DST: variants seen among roughly 807,000 people sequenced by gnomAD.
The protein encoded by DST is bullous pemphigoid antigen.
Under a neutral mutation model 875.2 loss-of-function variants are expected in DST, and 253 were observed. The observed-to-expected ratio is 0.29, with a 90% CI of 0.26 to 0.32. The LOEUF (loss-of-function observed/expected upper bound fraction) is 0.32. Ranked by LOEUF, DST falls within the 10% of genes least tolerant of loss-of-function variation. DST has a pLI of 1.00. For missense variants in DST, 8,287 were observed against 9,111.6 expected (o/e 0.91, Z 3.68); for synonymous variants, 3,124 against 3,197.1 (o/e 0.98, Z 0.77).
intron 4 of DST, among the ~76,000 whole-genome samples, chr6:56,841,489 T>C (rs900067781): frequency 4.6e-5 from 7 of 152,236 alleles, no homozygotes; most frequent in Non-Finnish European, 7.3e-5. Flanking sequence ...TTTCCTTTTA[T>C]TTCCAAAGGC....
rs200720176 is a variant in DST at position 56,535,298 on chromosome 6, A to G, written c.16771-6T>C. ...TGGGCTGCTCGCTGAGCCACCTGCA[A>G]AGTGCCAATTGTTTCCACTTATTTA... On this transcript the variant is annotated splice_polypyrimidine_tract_variant and splice_region_variant and intron_variant, in intron 62 of 103. Transcript: ENST00000680361. The G allele has an allele frequency of 6.4e-7, 1 of 1,566,622 alleles. No individual in the cohort carries two copies. The highest frequency in any genetic ancestry group is 8.6e-7 in the Non-Finnish European group (1 of 1,165,762).
intron 5 of DST, among the ~76,000 whole-genome samples, chr6:56,732,387 CAG>C (rs2099503648): frequency 1.3e-5 from 2 of 152,044 alleles, no homozygotes; most frequent in Non-Finnish European, 2.9e-5. Flanking sequence ...GCTTCTGTGC[CAG>C]AGTTTTCAGG....
Position 56,831,751 on chromosome 6 carries a change from G to A in DST, c.625+19646C>T, listed in dbSNP as rs192221309. ...AAACTGGTGAAGATCTGCTTCTCCCGGTTCTAAATCCTTCATCTCTTCCCA... is the reference window on the plus strand; with the variant it reads ...AAACTGGTGAAGATCTGCTTCTCCCAGTTCTAAATCCTTCATCTCTTCCCA... On this transcript the variant is annotated intron_variant, in intron 4 of 103. Coordinates refer to ENST00000680361, the MANE Select transcript of DST (RefSeq NM_001374736.1). Among the ~76,000 whole-genome samples, 17 of 151,858 alleles carry A rather than the reference G, an allele frequency of 1.1e-4. No individual in the cohort carries two copies. In the East Asian group the frequency reaches 1.9e-3, roughly 17 times the overall value.
intron 9 of DST, among the ~76,000 whole-genome samples, chr6:56,694,216 T>A (rs972090282): frequency 2.2e-5 from 3 of 138,482 alleles, no homozygotes; most frequent in South Asian, 2.3e-4. Context: ...ATAGATATGG[T>A]AAAAAAAAAA....
chr6:56,655,777 A>G (rs953684405), intron 10 of DST, among the ~76,000 whole-genome samples: 1 of 152,200 alleles, frequency 6.6e-6, no homozygotes, highest in African/African-American at 2.4e-5. Flanking sequence ...GAATTCTTTC[A>G]GCAGACTCGG....
intron 2 of DST, among the ~76,000 whole-genome samples, chr6:56,933,762 T>C (rs1214393803): frequency 6.6e-6 from 1 of 152,052 alleles, no homozygotes; most frequent in Non-Finnish European, 1.5e-5. Flanking sequence ...ATTAGAGGTA[T>C]GTGGGAGCTG....
At chr6:56,773,466 T>A (rs1269417260) in intron 4 of DST, among the ~76,000 whole-genome samples, 2 of 152,048 alleles carry the variant, frequency 1.3e-5, no homozygotes, top group Non-Finnish European at 1.5e-5. Flanking sequence ...ACACTATATC[T>A]CTAAGTCAAG....
intron 62 of DST, among the ~76,000 whole-genome samples, chr6:56,535,520 A>G (rs957737476): frequency 1.3e-5 from 2 of 152,248 alleles, no homozygotes; most frequent in African/African-American, 4.8e-5. Context: ...GTCAACATAG[A>G]GCACTCAATC....
intron 80 of DST, among the ~76,000 whole-genome samples, chr6:56,499,554 AC>A (rs2096050069): frequency 6.6e-6 from 1 of 152,142 alleles, no homozygotes; most frequent in African/African-American, 2.4e-5. Flanking sequence ...CAGGAAAGGA[AC>A]GGAAACATTC....
At chr6:56,669,964 G>A (rs1055020014) in intron 10 of DST, among the ~76,000 whole-genome samples, 3 of 152,168 alleles carry the variant, frequency 2.0e-5, no homozygotes, top group African/African-American at 7.2e-5. Flanking sequence ...CCACTCACTA[G>A]AGTAATTAGA....
At chr6:56,869,242 T>C (rs1394499460) in intron 3 of DST, among the ~76,000 whole-genome samples, 1 of 152,170 alleles carries the variant, frequency 6.6e-6, no homozygotes, top group Non-Finnish European at 1.5e-5. Flanking sequence ...ACCTTCCTGC[T>C]GTACAGTAGC....
chr6:56,751,458 A>ATT (rs139880002), intron 4 of DST, among the ~76,000 whole-genome samples: 24 of 151,964 alleles, frequency 1.6e-4, no homozygotes, highest in Non-Finnish European at 3.1e-4. Flanking sequence ...TTTAACAATT[A>ATT]TTTTTTTACA....
Position 56,501,109 on chromosome 6 carries a change from C to T in DST, c.19867G>A (p.Ala6623Thr), listed in dbSNP as rs747525596. 2 of 1,612,734 alleles carry T rather than the reference C, an allele frequency of 1.2e-6. No homozygotes were observed. Among genetic ancestry groups the T allele is most frequent in the East Asian group, 4.5e-5 (2 of 44,838 alleles). Residue 6623 changes from alanine (A) to threonine (T), a missense_variant, in exon 80 of 104, where the codon GCC becomes ACC. Physicochemically the swap from Ala to Thr is moderately conservative, Grantham distance 58. Around this residue, in one of 10 missense-constraint regions of DST, gnomAD observed 1,292 missense variants for 1,552.7 expected, o/e 0.83. Transcript: ENST00000680361. The stretch of plus-strand genomic sequence containing the variant: ...TGCTTGGCAAGTTCAATTTCAATGG[C>T]TTTAGGGTCTCCTCCAACAGGTTTC... ...EQKPVGGDPK[A>T]IEIELAKHHV...
intron 15 of DST, among the ~76,000 whole-genome samples, chr6:56,644,582 C>T (rs2098931409): frequency 6.6e-6 from 1 of 152,046 alleles, no homozygotes; most frequent in African/African-American, 2.4e-5. Context: ...TAAGCAATCA[C>T]CGAAATAAAT....
In DST at chr6:56,616,618, A is replaced by G. The variant is rs1038466416; in HGVS notation, c.4930-2134T>C. On this transcript the variant is annotated intron_variant, in intron 36 of 103. Transcript: ENST00000680361. ...AAACTCTTGTGTTGCTGGATGGCTC[A>G]TGTAAAAACTGTAAGATGGCATTAT... 2.5e-6 allele frequency: 4 copies of G among 1,614,198 alleles called. No homozygotes were observed. The highest frequency in any genetic ancestry group is 1.3e-5 in the African/African-American group (1 of 75,048).
rs1554531552 is a variant in DST, at chr6:56,632,869, T to C, written c.3790A>G (p.Lys1264Glu). Residue 1264 changes from lysine to glutamate, a missense_variant, in exon 28 of 104, where the codon AAA (lysine) becomes GAA (glutamate). By Grantham distance (56) the Lys-to-Glu change is moderately conservative (BLOSUM62 1). Coordinates refer to ENST00000680361, the MANE Select transcript of DST (RefSeq NM_001374736.1). ...VCKQYYQELL[K>E]SAEREEQEES... is the part of the protein sequence containing the mutation. ...CATGCTTTACCTCTTTCTGCAGATT[T>C]AAGAAGTTCTTGATAATACTGCTTA... 6.2e-7 allele frequency: 1 copy of C among 1,613,816 alleles called. No individual in the cohort carries two copies. The highest frequency in any genetic ancestry group is 1.1e-5 in the South Asian group (1 of 91,078).
chr6:56,828,963 G>A (rs569640265), intron 4 of DST, among the ~76,000 whole-genome samples: 1 of 152,308 alleles, frequency 6.6e-6, no homozygotes, highest in African/African-American at 2.4e-5. Flanking sequence ...CCACTTCAAA[G>A]CTGAAGACCA....
chr6:56,464,137 A>C, intron 100 of DST: 1 of 375,774 alleles, frequency 2.7e-6, no homozygotes, highest in South Asian at 2.1e-5. Context: ...CACACTGAGA[A>C]GACAGACCAG....
rs775398507 is a variant in DST at position 56,640,327 on chromosome 6, C to T, written c.2306G>A (p.Gly769Asp). Reference sequence around the variant, plus strand: ...ATTTGGAACTAATCCTGATGGGAAACCAGGTGTATAAGCTGGAGTGACAGA... The same window carrying T: ...ATTTGGAACTAATCCTGATGGGAAATCAGGTGTATAAGCTGGAGTGACAGA... ...TPSVTPAYTPGFPSGLVPNFS... is the reference protein window; with the variant it reads ...TPSVTPAYTPDFPSGLVPNFS... The change falls in exon 18 of 104, where the codon GGT (glycine) becomes GAT (aspartate). Residue 769 changes from glycine (G) to aspartate (D), a missense_variant. By Grantham distance (94) the Gly-to-Asp change is moderately conservative. Transcript: ENST00000680361. The T allele has an allele frequency of 2.5e-6, 4 of 1,614,000 alleles. No homozygotes were observed. In the African/African-American group the frequency reaches 5.3e-5, roughly 22 times the overall value.
Sources: gnomAD v4.1 joint callset for allele counts (sites outside exome capture counted in the v4.1 genomes callset) on GRCh38, gnomAD v4.1.1 for gene constraint, gnomAD v4.1.1 regional missense constraint, MANE v1.5 for transcripts, NCBI Gene and HGNC (gene_info 2026-07-23, HGNC 2026-07-21) for gene names.